The following MLLT3 variants were observed in gnomAD, a reference collection of about 807,000 sequenced individuals.
MLLT3 encodes the protein protein AF-9.
MLLT3 carries 4 observed loss-of-function variants against 53.2 expected under a neutral mutation model. That is an observed-to-expected ratio of 0.08 (90% confidence interval 0.04 to 0.17). The LOEUF (loss-of-function observed/expected upper bound fraction) is 0.17. Among genes scored for constraint, MLLT3 ranks in the 10% least tolerant of loss-of-function variants. The probability of loss-of-function intolerance (pLI) is 1.00; values close to 1 mark genes in which losing one functional copy is unlikely to be tolerated. For missense variants in MLLT3, 569 were observed against 684.0 expected (o/e 0.83, Z 1.87); for synonymous variants, 283 against 230.6 (o/e 1.23, Z -2.06).
chr9:20,543,063 T>G (rs1393468725), intron 2 of MLLT3, among the ~76,000 whole-genome samples: 1 of 152,242 alleles, frequency 6.6e-6, no homozygotes, highest in Admixed American at 6.5e-5. Flanking sequence ...TGAAGAGATT[T>G]AGGGCCTTGC....
chr9:20,542,471 C>T (rs1818665045), intron 2 of MLLT3, among the ~76,000 whole-genome samples: 2 of 152,058 alleles, frequency 1.3e-5, no homozygotes, highest in Non-Finnish European at 2.9e-5. Flanking sequence ...AGGATGGTCT[C>T]GATCTCCTGA....
In MLLT3 at chr9:20,618,941, ATGT is replaced by A. The variant is rs1187150232; in HGVS notation, c.193+1710_193+1712del. On this transcript the variant is annotated intron_variant, in intron 2 of 10. Transcript: ENST00000380338. ...CCAACTGAGTTAATTTTCCTAATAAATGTTGCTTTTTAAAAGCTTATTTCACCT... is the reference window on the plus strand; with the variant it reads ...CCAACTGAGTTAATTTTCCTAATAAATGCTTTTTAAAAGCTTATTTCACCT... Among the ~76,000 whole-genome samples the A allele has an allele frequency of 2.6e-5, 4 of 152,302 alleles. No individual in the cohort carries two copies. In the East Asian group the frequency reaches 7.8e-4, roughly 30 times the overall value.
intron 2 of MLLT3, among the ~76,000 whole-genome samples, chr9:20,610,624 T>A (rs1047577717): frequency 7.2e-5 from 11 of 152,250 alleles, no homozygotes; most frequent in Admixed American, 2.6e-4. Flanking sequence ...AGACATTACA[T>A]TGATGGAGCT....
At chr9:20,613,901 A>C (rs1361737248) in intron 2 of MLLT3, among the ~76,000 whole-genome samples, 1 of 152,208 alleles carries the variant, frequency 6.6e-6, no homozygotes, top group Non-Finnish European at 1.5e-5. Flanking sequence ...TTTAACATAA[A>C]CAAATTATTA....
At chr9:20,502,097 G>C (rs888387571) in intron 2 of MLLT3, among the ~76,000 whole-genome samples, 5 of 134,458 alleles carry the variant, frequency 3.7e-5, no homozygotes, top group South Asian at 2.6e-4. Context: ...AAAAAAAGGG[G>C]GGGGGGGGGA....
intron 6 of MLLT3, among the ~76,000 whole-genome samples, chr9:20,364,471 CAATG>C: frequency 6.6e-6 from 1 of 152,234 alleles, no homozygotes; most frequent in Middle Eastern, 3.4e-3. Flanking sequence ...GTTATAAAGA[CAATG>C]AAGAAAGAGA....
intron 4 of MLLT3, among the ~76,000 whole-genome samples, chr9:20,440,256 C>T (rs1586950706): frequency 6.6e-6 from 1 of 152,286 alleles, no homozygotes; most frequent in East Asian, 1.9e-4. Context: ...ATCAAACATT[C>T]TTTCTGTTAT....
At chr9:20,386,453 G>A (rs734772) in intron 5 of MLLT3, among the ~76,000 whole-genome samples, 22,696 of 152,156 alleles carry the variant, frequency 0.15, 4,226 homozygotes, top group African/African-American at 0.43. Flanking sequence ...CTTCGTGGCT[G>A]TAGCTTTGCT....
intron 2 of MLLT3, among the ~76,000 whole-genome samples, chr9:20,595,916 A>C (rs1367111381): frequency 6.6e-6 from 1 of 152,218 alleles, no homozygotes; most frequent in African/African-American, 2.4e-5. Context: ...CTAGCTACCC[A>C]TGACTGTTAA....
At chr9:20,595,571 A>G (rs1490366548) in intron 2 of MLLT3, among the ~76,000 whole-genome samples, 1 of 152,204 alleles carries the variant, frequency 6.6e-6, no homozygotes, top group Non-Finnish European at 1.5e-5. Context: ...CATTTGAAAC[A>G]TAAGCGTTAT....
intron 8 of MLLT3, among the ~76,000 whole-genome samples, chr9:20,359,829 A>G (rs565299080): frequency 6.6e-6 from 1 of 152,368 alleles, no homozygotes; most frequent in Non-Finnish European, 1.5e-5. Context: ...CAGTTATTGT[A>G]GAGGTCATAG....
At chr9:20,594,043 C>A (rs1029509534) in intron 2 of MLLT3, among the ~76,000 whole-genome samples, 3 of 150,946 alleles carry the variant, frequency 2.0e-5, no homozygotes, top group East Asian at 1.9e-4. Flanking sequence ...TGGGTTCAGG[C>A]GATTCTCCTG....
At chr9:20,599,806 C>A (rs1820371602) in intron 2 of MLLT3, among the ~76,000 whole-genome samples, 1 of 152,128 alleles carries the variant, frequency 6.6e-6, no homozygotes, top group Non-Finnish European at 1.5e-5. Flanking sequence ...CATAGAGTCA[C>A]CATATTCATA....
At chr9:20,599,057 G>A (rs1820347159) in intron 2 of MLLT3, among the ~76,000 whole-genome samples, 2 of 152,304 alleles carry the variant, frequency 1.3e-5, no homozygotes, top group South Asian at 2.1e-4. Context: ...TGTAATCCCA[G>A]TACTTTGGGA....
chr9:20,403,063 G>C (rs1215766599), intron 5 of MLLT3, among the ~76,000 whole-genome samples: 5 of 151,832 alleles, frequency 3.3e-5, no homozygotes, highest in African/African-American at 1.2e-4. Flanking sequence ...CTGCAAACTG[G>C]AAATGATCGA....
intron 2 of MLLT3, among the ~76,000 whole-genome samples, chr9:20,569,591 A>C (rs998078986): frequency 2.0e-5 from 3 of 152,198 alleles, no homozygotes; most frequent in Non-Finnish European, 4.4e-5. Flanking sequence ...TATTTCAAAA[A>C]GTACACAAGC....
At chr9:20,479,321 G>A (rs968108448) in intron 2 of MLLT3, among the ~76,000 whole-genome samples, 3 of 152,124 alleles carry the variant, frequency 2.0e-5, no homozygotes, top group Non-Finnish European at 4.4e-5. Context: ...TATCTTTTAA[G>A]CACTAGAACT....
At chr9:20,568,700 T>C (rs560413372) in intron 2 of MLLT3, among the ~76,000 whole-genome samples, 67 of 152,300 alleles carry the variant, frequency 4.4e-4, no homozygotes, top group African/African-American at 1.6e-3. Flanking sequence ...TAAGACAAGT[T>C]AATTTCTTTT....
At chr9:20,368,524 G>C (rs1395833432) in intron 5 of MLLT3, among the ~76,000 whole-genome samples, 1 of 152,146 alleles carries the variant, frequency 6.6e-6, no homozygotes, top group African/African-American at 2.4e-5. Flanking sequence ...ATATTAGCAA[G>C]GATGACAAGA....
Sources: gnomAD v4.1 joint callset for allele counts (sites outside exome capture counted in the v4.1 genomes callset) on GRCh38, gnomAD v4.1.1 for gene constraint, MANE v1.5 for transcripts, NCBI Gene and HGNC (gene_info 2026-07-23, HGNC 2026-07-21) for gene names.